LIMCH1: variants seen among roughly 807,000 people sequenced by gnomAD.
The protein encoded by LIMCH1 is LIM and calponin homology domains-containing protein 1.
In LIMCH1, 113 loss-of-function variants were observed where a neutral mutation model predicts 176.5. That is an observed-to-expected ratio of 0.64 (90% CI 0.55 to 0.75). The LOEUF (loss-of-function observed/expected upper bound fraction) is 0.75. Among genes scored for constraint, LIMCH1 ranks in the 30% least tolerant of loss-of-function variants. LIMCH1 has a pLI of 0.00. For synonymous variants in LIMCH1, 619 were observed against 645.9 expected (o/e 0.96, Z 0.63); for missense variants, 1,674 against 1,814.9 (o/e 0.92, Z 1.41).
intron 1 of LIMCH1, among the ~76,000 whole-genome samples, chr4:41,458,203 G>A (rs755998118): frequency 3.3e-5 from 5 of 152,058 alleles, no homozygotes; most frequent in African/African-American, 4.8e-5. Context: ...TATCTCACTC[G>A]ATGAAAGGAA....
intron 2 of LIMCH1, among the ~76,000 whole-genome samples, chr4:41,514,005 T>TAAAAAAAAAAAAAA (rs71198665): frequency 6.2e-5 from 3 of 48,526 alleles, no homozygotes; most frequent in East Asian, 1.0e-3. Context: ...GACTCCGTCT[T>TAAAAAAAAAAAAAA]AAAAAAAAAA....
At chr4:41,454,945 T>C (rs984436045) in intron 1 of LIMCH1, among the ~76,000 whole-genome samples, 118 of 114,936 alleles carry the variant, frequency 1.0e-3, no homozygotes, top group African/African-American at 6.4e-3. Context: ...CGTACATGTG[T>C]GTGTGTGTGT....
At chr4:41,419,606 CCTTCCTTCCTT>C in intron 1 of LIMCH1, among the ~76,000 whole-genome samples, 1 of 57,976 alleles carries the variant, frequency 1.7e-5, no homozygotes, top group Non-Finnish European at 2.9e-5. Context: ...TTCCTTCCGT[CCTTCCTTCCTT>C]CCTTCCTTCC....
At position 41,414,428 on chromosome 4, in the gene LIMCH1, T is replaced by C. The variant is rs78859752; in HGVS notation, c.96+53492T>C. Among the ~76,000 whole-genome samples, 74 of 152,314 alleles carry C rather than the reference T, an allele frequency of 4.9e-4. 3 individuals carry two copies. The South Asian group carries it at 8.5e-3, about 17-fold the overall frequency. On this transcript the variant is annotated intron_variant, in intron 1 of 26. Transcript: ENST00000313860. Reference sequence around the variant, plus strand: ...CTTCTCACATTCCATGAAATATACTTATAAGCCTCTAATGCCTGACTTGAT... The same window carrying C: ...CTTCTCACATTCCATGAAATATACTCATAAGCCTCTAATGCCTGACTTGAT...
At position 41,693,724 on chromosome 4, in the gene LIMCH1, G is replaced by A. The variant is rs56871483; in HGVS notation, c.4378+1340G>A. Among the ~76,000 whole-genome samples, 17 of 152,086 alleles carry A rather than the reference G, an allele frequency of 1.1e-4. No homozygotes were observed. In the East Asian group the frequency reaches 1.9e-3, roughly 17 times the overall value. ...ACTCTTTTCTCCCAGATTTCAATGCGAATTTTCCTATCGTCTTCTATAAAT... is the reference window on the plus strand; with the variant it reads ...ACTCTTTTCTCCCAGATTTCAATGCAAATTTTCCTATCGTCTTCTATAAAT... On this transcript the variant is annotated intron_variant, in intron 31 of 31. Transcript: ENST00000503057.
chr4:41,689,546 C>A lies in LIMCH1; in HGVS notation c.4186C>A (p.Leu1396Met). 1 of 1,607,502 alleles carries A rather than the reference C, an allele frequency of 6.2e-7. No homozygotes were observed. The highest frequency in any genetic ancestry group is 1.1e-5 in the South Asian group (1 of 90,996). ...SPNRSISGKK[L>M]CSSCGLPLGK... Reference sequence around the variant, plus strand: ...ACCTAGGTCTATAAGTGGAAAGAAGCTGTGCTCTTCCTGTGGGCTTCCTTT... The same window carrying A: ...ACCTAGGTCTATAAGTGGAAAGAAGATGTGCTCTTCCTGTGGGCTTCCTTT... The change falls in exon 30 of 32, where the codon CTG (leucine) becomes ATG (methionine). Residue 1396 changes from leucine (L) to methionine (M), a missense_variant. Leu to Met is a conservative substitution (Grantham distance 15). Coordinates refer to ENST00000503057, the MANE Select transcript of LIMCH1 (RefSeq NM_001330672.2).
intron 20 of LIMCH1, among the ~76,000 whole-genome samples, chr4:41,665,494 A>G: frequency 6.6e-6 from 1 of 152,350 alleles, no homozygotes; most frequent in Non-Finnish European, 1.5e-5. Context: ...TATATTATTC[A>G]TAAAAATTCC....
At position 41,486,938 on chromosome 4, in the gene LIMCH1, C is replaced by T. The variant is rs1314917348; in HGVS notation, c.97-7598C>T. 4.7e-5 allele frequency among the ~76,000 whole-genome samples: 7 copies of T among 148,970 alleles called. 1 individual carries two copies. The highest frequency in any genetic ancestry group is 2.7e-4 in the Admixed American group (4 of 14,872). ...CTGGGATTACAGATGCATGCTACCACGCCCAGCTGATATATATATATACAC... is the reference window on the plus strand; with the variant it reads ...CTGGGATTACAGATGCATGCTACCATGCCCAGCTGATATATATATATACAC... On this transcript the variant is annotated intron_variant, in intron 1 of 26. Transcript: ENST00000313860.
intron 2 of LIMCH1, among the ~76,000 whole-genome samples, chr4:41,511,358 C>T (rs138624913): frequency 2.2e-4 from 34 of 152,352 alleles, no homozygotes; most frequent in African/African-American, 8.2e-4. Context: ...CCCTCCACCA[C>T]AACATCCCCA....
chr4:41,440,369 C>G (rs1289059051), intron 1 of LIMCH1, among the ~76,000 whole-genome samples: 2 of 152,082 alleles, frequency 1.3e-5, no homozygotes, highest in African/African-American at 4.8e-5. Flanking sequence ...TAAAACCTGT[C>G]AGAAGTGTGA....
At chr4:41,612,386 T>C (rs2091532954) in intron 4 of LIMCH1, 1 of 581,338 alleles carries the variant, frequency 1.7e-6, no homozygotes. Context: ...TTCGCGAGCA[T>C]CCCAGGGAAT....
chr4:41,627,018 T>TA lies in LIMCH1; in HGVS notation c.1028+8_1028+9insA. 2 of 1,307,726 alleles carry TA rather than the reference T, an allele frequency of 1.5e-6. No homozygotes were observed. The highest frequency in any genetic ancestry group is 2.0e-6 in the Non-Finnish European group (2 of 980,866). 81.0% of individuals were successfully genotyped at this position (1,307,726 alleles called of 1,614,324 possible). ...AAGTCTAGAATATAAAAGGTGTGCA[T>TA]GGTGTGTGTGTGTGTGTGTGTGTGT... On this transcript the variant is annotated intron_variant, in intron 8 of 31. Coordinates refer to ENST00000503057, the MANE Select transcript of LIMCH1 (RefSeq NM_001330672.2).
chr4:41,502,156 G>T (rs1378612851), intron 2 of LIMCH1, among the ~76,000 whole-genome samples: 1 of 150,244 alleles, frequency 6.7e-6, no homozygotes, highest in Non-Finnish European at 1.5e-5. Context: ...GTGAGAAGAT[G>T]TGGTGTTTGG....
At chr4:41,588,232 T>A (rs1228039540) in intron 1 of LIMCH1, among the ~76,000 whole-genome samples, 1 of 152,194 alleles carries the variant, frequency 6.6e-6, no homozygotes, top group Non-Finnish European at 1.5e-5. Flanking sequence ...GACTTTATAT[T>A]CTTTTTAAAA....
intron 1 of LIMCH1, among the ~76,000 whole-genome samples, chr4:41,434,389 A>G (rs1430591367): frequency 1.3e-5 from 2 of 152,220 alleles, no homozygotes; most frequent in Non-Finnish European, 2.9e-5. Context: ...GCAGCAACCC[A>G]GACTAGCTGC....
intron 1 of LIMCH1, among the ~76,000 whole-genome samples, chr4:41,366,161 T>C (rs1015337987): frequency 1.3e-5 from 2 of 152,210 alleles, no homozygotes; most frequent in Non-Finnish European, 1.5e-5. Flanking sequence ...AACATGATGA[T>C]AAAAATTATG....
At chr4:41,529,887 G>A (rs1021637018) in intron 3 of LIMCH1, among the ~76,000 whole-genome samples, 9 of 152,162 alleles carry the variant, frequency 5.9e-5, no homozygotes, top group African/African-American at 1.9e-4. Flanking sequence ...AGAAGCAGAA[G>A]CAGGAATGTG....
chr4:41,476,729 C>G (rs1044485668), intron 1 of LIMCH1, among the ~76,000 whole-genome samples: 6 of 152,210 alleles, frequency 3.9e-5, no homozygotes, highest in Non-Finnish European at 7.3e-5. Context: ...CCTCCACCCT[C>G]CCTTAATGGA....
chr4:41,387,291 T>A (rs2056624150), intron 1 of LIMCH1, among the ~76,000 whole-genome samples: 1 of 152,234 alleles, frequency 6.6e-6, no homozygotes, highest in Non-Finnish European at 1.5e-5. Flanking sequence ...AGAAATCTAC[T>A]TACATGAACA....
Sources: allele counts gnomAD v4.1 joint callset (sites outside exome capture counted in the v4.1 genomes callset), GRCh38; gene constraint gnomAD v4.1.1; transcripts MANE v1.5; gene names NCBI Gene and HGNC (gene_info 2026-07-23, HGNC 2026-07-21).